Variants in KCNIP4 observed in about 807,000 individuals in gnomAD.
KCNIP4 encodes the protein potassium voltage-gated channel interacting protein 4.
KCNIP4 carries 12 observed loss-of-function variants against 34.0 expected under a neutral mutation model. That is an observed-to-expected ratio of 0.35 (90% CI 0.23 to 0.57). The LOEUF (loss-of-function observed/expected upper bound fraction) is 0.57, where lower values mean the gene tolerates loss of function less well. KCNIP4 is among the 20% of genes least tolerant of loss of function. The pLI, the probability that KCNIP4 is intolerant of heterozygous loss-of-function variation, is 0.83. For missense variants in KCNIP4, 238 were observed against 311.7 expected (o/e 0.76, Z 1.78); for synonymous variants, 124 against 102.2 (o/e 1.21, Z -1.29).
intron 1 of KCNIP4, among the ~76,000 whole-genome samples, chr4:21,633,412 A>G (rs923431276): frequency 6.6e-6 from 1 of 152,164 alleles, no homozygotes; most frequent in African/African-American, 2.4e-5. Context: ...GGCCAAGCTA[A>G]TAAAAATGCC....
At chr4:21,796,920 CT>C (rs1362058808) in intron 1 of KCNIP4, among the ~76,000 whole-genome samples, 1 of 152,150 alleles carries the variant, frequency 6.6e-6, no homozygotes, top group Non-Finnish European at 1.5e-5. Context: ...TAGTTGATGC[CT>C]AGCATGCTCC....
intron 1 of KCNIP4, among the ~76,000 whole-genome samples, chr4:21,817,248 T>C (rs1722042482): frequency 1.3e-5 from 2 of 152,172 alleles, no homozygotes; most frequent in South Asian, 2.1e-4. Flanking sequence ...GAAGATTTCA[T>C]TTTAATATGG....
At chr4:21,291,861 A>C (rs1560259451) in intron 1 of KCNIP4, among the ~76,000 whole-genome samples, 1 of 118,934 alleles carries the variant, frequency 8.4e-6, no homozygotes, top group Non-Finnish European at 1.6e-5. Context: ...CTCAAAAAAA[A>C]AAAAAAAAAG....
chr4:21,611,831 A>G (rs951281457), intron 1 of KCNIP4, among the ~76,000 whole-genome samples: 2 of 152,172 alleles, frequency 1.3e-5, no homozygotes, highest in African/African-American at 2.4e-5. Flanking sequence ...GTATAGTTAG[A>G]GAGACGGAAA....
At chr4:21,373,373 G>A (rs1720667698) in intron 1 of KCNIP4, among the ~76,000 whole-genome samples, 1 of 147,172 alleles carries the variant, frequency 6.8e-6, no homozygotes, top group South Asian at 2.1e-4. Context: ...ATTTTAGTGA[G>A]ATTTTAGAAA....
intron 1 of KCNIP4, among the ~76,000 whole-genome samples, chr4:21,005,324 T>A (rs879567010): frequency 6.6e-6 from 1 of 152,222 alleles, no homozygotes; most frequent in Non-Finnish European, 1.5e-5. Flanking sequence ...GCCAGTTACC[T>A]GCTTCTCAAA....
chr4:21,431,931 A>C (rs188318439), intron 1 of KCNIP4, among the ~76,000 whole-genome samples: 1 of 151,026 alleles, frequency 6.6e-6, no homozygotes, highest in African/African-American at 2.4e-5. Flanking sequence ...GTCATTTAAT[A>C]AAAAGCTACT....
chr4:21,001,093 T>A (rs1738092652), intron 1 of KCNIP4, among the ~76,000 whole-genome samples: 1 of 152,204 alleles, frequency 6.6e-6, no homozygotes, highest in Non-Finnish European at 1.5e-5. Flanking sequence ...GAGAACAGAT[T>A]TGACATGTAG....
At chr4:21,048,849 A>G (rs1230880531) in intron 1 of KCNIP4, among the ~76,000 whole-genome samples, 1 of 151,844 alleles carries the variant, frequency 6.6e-6, no homozygotes, top group Non-Finnish European at 1.5e-5. Flanking sequence ...TCCTGAGTCC[A>G]GGAAGCACAT....
intron 3 of KCNIP4, among the ~76,000 whole-genome samples, chr4:20,835,784 A>G (rs779963501): frequency 1.3e-5 from 2 of 151,978 alleles, no homozygotes; most frequent in African/African-American, 4.8e-5. Flanking sequence ...ATTTCCCCCC[A>G]GTTTTCTGCA....
chr4:20,970,142 C>T (rs1254916550), intron 1 of KCNIP4, among the ~76,000 whole-genome samples: 2 of 151,962 alleles, frequency 1.3e-5, no homozygotes, highest in Non-Finnish European at 2.9e-5. Context: ...GGGGTTTCAC[C>T]GTGTTAGCCA....
chr4:21,337,418 G>A (rs1289264753), intron 1 of KCNIP4, among the ~76,000 whole-genome samples: 1 of 152,056 alleles, frequency 6.6e-6, no homozygotes, highest in African/African-American at 2.4e-5. Flanking sequence ...CTGTTCAGGG[G>A]GTTTGAGAAA....
At chr4:21,299,020 A>G (rs572942899) in intron 1 of KCNIP4, among the ~76,000 whole-genome samples, 1 of 152,248 alleles carries the variant, frequency 6.6e-6, no homozygotes, top group South Asian at 2.1e-4. Flanking sequence ...AGCTGAGTTA[A>G]CCTTGATCCA....
At chr4:21,025,541 C>CTTTTTT (rs1740456779) in intron 1 of KCNIP4, among the ~76,000 whole-genome samples, 3 of 32,054 alleles carry the variant, frequency 9.4e-5, no homozygotes, top group East Asian at 7.9e-4. Flanking sequence ...CTCATTGATA[C>CTTTTTT]TGTTTTTTTT....
Position 21,803,174 on chromosome 4 carries a change from C to T in KCNIP4, c.61+145397G>A, listed in dbSNP as rs138006469. On this transcript the variant is annotated intron_variant, in intron 1 of 8. Transcript: ENST00000382152. ...GTAGTAAACGTGCCATGCATCAAGC[C>T]GGTAAATGTCACGACATCTCTTGAG... Among the ~76,000 whole-genome samples, 483 of 152,252 alleles carry T rather than the reference C, an allele frequency of 3.2e-3. 2 individuals are homozygous for T. The highest frequency in any genetic ancestry group is 0.011 in the African/African-American group (450 of 41,552).
At chr4:21,153,455 C>G (rs1752903910) in intron 1 of KCNIP4, among the ~76,000 whole-genome samples, 1 of 149,610 alleles carries the variant, frequency 6.7e-6, no homozygotes, top group Non-Finnish European at 1.5e-5. Flanking sequence ...GTCCCTCTCT[C>G]TCTCTCTCTC....
chr4:20,869,622 T>G lies in KCNIP4; in HGVS notation c.163+12986A>C, dbSNP rs562072070. On this transcript the variant is annotated intron_variant, in intron 2 of 8. Transcript: ENST00000382152. The stretch of plus-strand genomic sequence containing the variant: ...TCCCACCTCTGGCTGGACAATGTGT[T>G]TAATGTTTCCAAGCCTTAATTTTAA... Among the ~76,000 whole-genome samples the G allele has an allele frequency of 4.6e-5, 7 of 152,222 alleles. No individual in the cohort carries two copies. In the South Asian group the frequency reaches 1.0e-3, roughly 23 times the overall value.
intron 1 of KCNIP4, among the ~76,000 whole-genome samples, chr4:21,465,393 C>T (rs1292331094): frequency 6.6e-6 from 1 of 152,106 alleles, no homozygotes; most frequent in Non-Finnish European, 1.5e-5. Flanking sequence ...TCTCTACATG[C>T]TCCTTTCCTT....
intron 1 of KCNIP4, among the ~76,000 whole-genome samples, chr4:21,302,544 A>T (rs1711854418): frequency 6.6e-6 from 1 of 152,240 alleles, no homozygotes; most frequent in Non-Finnish European, 1.5e-5. Flanking sequence ...AGTGTACAAC[A>T]TGAAGTCAGT....
Sources: gnomAD v4.1 joint callset for allele counts (sites outside exome capture counted in the v4.1 genomes callset) on GRCh38, gnomAD v4.1.1 for gene constraint, MANE v1.5 for transcripts, NCBI Gene and HGNC (gene_info 2026-07-23, HGNC 2026-07-21) for gene names.